The following USP22 variants were observed in gnomAD, a reference collection of about 807,000 sequenced individuals.
The protein encoded by USP22 is ubiquitin specific peptidase 22, also known as ubiquitin carboxyl-terminal hydrolase 22.
A neutral mutation model predicts 68.1 loss-of-function variants in USP22; 22 were observed. That is an observed-to-expected ratio of 0.32 (90% CI 0.23 to 0.46). USP22 has a LOEUF of 0.46. Among genes scored for constraint, USP22 ranks in the 20% least tolerant of loss-of-function variants. The pLI is 1.00. For missense variants in USP22, 433 were observed against 695.8 expected (o/e 0.62, Z 4.25); for synonymous variants, 279 against 274.2 (o/e 1.02, Z -0.17).
At position 21,023,679 on chromosome 17, in the gene USP22, G is replaced by A. The variant is rs150283542; in HGVS notation, c.305-2453C>T. ...AAAAAAAAAAAAATTGGGAGAGTGG[G>A]GCTTAAATCCACGTGATGTCAGACA... On this transcript the variant is annotated intron_variant, in intron 2 of 12. Coordinates refer to ENST00000261497, the MANE Select transcript of USP22 (RefSeq NM_015276.2). 2.0e-3 allele frequency among the ~76,000 whole-genome samples: 297 copies of A among 150,464 alleles called. 8 individuals are homozygous for A. In the East Asian group the frequency reaches 0.045, roughly 23 times the overall value.
chr17:21,020,515 T>C (rs1238124372), intron 3 of USP22, among the ~76,000 whole-genome samples: 1 of 152,140 alleles, frequency 6.6e-6, no homozygotes, highest in Non-Finnish European at 1.5e-5. Context: ...TTCCATCTGG[T>C]GGGTCTAGTT....
intron 1 of USP22, among the ~76,000 whole-genome samples, chr17:21,041,761 A>G (rs1020273094): frequency 1.3e-5 from 2 of 152,272 alleles, no homozygotes; most frequent in African/African-American, 4.8e-5. Flanking sequence ...CTGTAAAAAT[A>G]AACTTTATTC....
intron 10 of USP22, 157 bp downstream of exon 10, chr17:21,006,739 A>C (rs922903403): frequency 4.2e-6 from 2 of 479,016 alleles, no homozygotes; most frequent in African/African-American, 4.0e-5. Flanking sequence ...TGTTGACCTC[A>C]TGATCTGCCC....
At chr17:21,010,485 T>C (rs1913924817) in intron 8 of USP22, among the ~76,000 whole-genome samples, 1 of 152,058 alleles carries the variant, frequency 6.6e-6, no homozygotes, top group Non-Finnish European at 1.5e-5. Context: ...GAGACTAGCC[T>C]GGCCAACATG....
At chr17:21,033,735 A>G (rs1170441263) in intron 1 of USP22, among the ~76,000 whole-genome samples, 1 of 150,620 alleles carries the variant, frequency 6.6e-6, no homozygotes, top group Admixed American at 6.7e-5. Context: ...CACTGACATA[A>G]GTGAAGGGAC....
intron 3 of USP22, among the ~76,000 whole-genome samples, chr17:21,020,368 G>C (rs1972141861): frequency 6.6e-6 from 1 of 152,028 alleles, no homozygotes; most frequent in South Asian, 2.1e-4. Context: ...CAGTGTGTGT[G>C]GCCACACGGT....
At chr17:21,027,292 CAAAA>C (rs71357459) in intron 2 of USP22, among the ~76,000 whole-genome samples, 12 of 72,280 alleles carry the variant, frequency 1.7e-4, no homozygotes, top group Non-Finnish European at 2.4e-4. Context: ...ACCCTGTCTC[CAAAA>C]AAAAAAAAAA....
At chr17:21,043,107 G>T (rs1462923838), upstream of USP22, 4 of 159,678 alleles carry the variant, frequency 2.5e-5, no homozygotes, top group Non-Finnish European at 5.2e-5. Context: ...CCGCGGCCGC[G>T]GACGGAGATT....
In USP22 at chr17:21,001,511, T is replaced by A. The variant is rs1021079492; in HGVS notation, c.*1520A>T. ...ACAATATATGTCATTCAGATTTCTGTGTCTAAAAGTTGTACTAGACACAGC... is the reference window on the plus strand; with the variant it reads ...ACAATATATGTCATTCAGATTTCTGAGTCTAAAAGTTGTACTAGACACAGC... On this transcript the variant is annotated 3_prime_UTR_variant, in exon 13 of 13. Transcript: ENST00000261497. 1 of 152,254 alleles carries A rather than the reference T, an allele frequency of 6.6e-6. No homozygotes were observed. The highest frequency in any genetic ancestry group is 6.5e-5 in the Admixed American group (1 of 15,290). The allele number at this position is 152,254 out of a possible 1,614,324, so 9.4% of individuals were successfully genotyped here.
intron 6 of USP22, among the ~76,000 whole-genome samples, chr17:21,015,376 A>G (rs1391551097): frequency 2.0e-5 from 3 of 152,134 alleles, no homozygotes; most frequent in Non-Finnish European, 4.4e-5. Context: ...TGGGTGATTA[A>G]GTTGTGTTTG....
chr17:21,042,018 G>A (rs968330974), intron 1 of USP22, among the ~76,000 whole-genome samples: 5 of 151,980 alleles, frequency 3.3e-5, no homozygotes, highest in Admixed American at 1.3e-4. Flanking sequence ...AGGCAGCCGC[G>A]AAGCTCCGGC....
At position 21,001,625 on chromosome 17, in the gene USP22, A is replaced by C. The variant is rs531398656; in HGVS notation, c.*1406T>G. 7.2e-5 allele frequency: 11 copies of C among 152,192 alleles called. No homozygotes were observed. The highest frequency in any genetic ancestry group is 2.7e-4 in the African/African-American group (11 of 41,450). The allele number at this position is 152,192 out of a possible 1,614,324, so 9.4% of individuals were successfully genotyped here. On this transcript the variant is annotated 3_prime_UTR_variant, in exon 13 of 13. Transcript: ENST00000261497. ...TGGCTGTCTATGAAAACATCTGCCC[A>C]CCGCTGAGACAGATGATCCTGTTCC...
At chr17:21,037,404 C>T (rs945041754) in intron 1 of USP22, among the ~76,000 whole-genome samples, 14 of 152,160 alleles carry the variant, frequency 9.2e-5, no homozygotes, top group African/African-American at 2.4e-4. Context: ...AACATGACTT[C>T]GGCCATTCAG....
At chr17:21,007,766 G>T in intron 9 of USP22, 104 bp downstream of exon 9, 1 of 1,415,990 alleles carries the variant, frequency 7.1e-7, no homozygotes, top group Non-Finnish European at 9.8e-7. Context: ...CCTGCTTGCT[G>T]CAATTATAAA....
At chr17:21,018,886 G>A (rs770534879) in intron 4 of USP22, among the ~76,000 whole-genome samples, 198 bp downstream of exon 4, 4 of 152,132 alleles carry the variant, frequency 2.6e-5, no homozygotes, top group East Asian at 1.9e-4. Context: ...CTGTTGCTAC[G>A]CATCACTCTG....
In USP22 at chr17:21,004,946, C is replaced by T. The variant is rs1004204528; in HGVS notation, c.1367G>A (p.Ser456Asn). 5 of 1,614,250 alleles carry T rather than the reference C, an allele frequency of 3.1e-6. No individual in the cohort carries two copies. Among genetic ancestry groups the T allele is most frequent in the Non-Finnish European group, 4.2e-6 (5 of 1,180,046 alleles). Reference sequence around the variant, plus strand: ...CACTTACTTGTTGTCATTGTTGAGACTGTCCGTGGGCTGCTGGTACTGTCC... The same window carrying T: ...CACTTACTTGTTGTCATTGTTGAGATTGTCCGTGGGCTGCTGGTACTGTCC... ...MNGQYQQPTDSLNNDNKYSLF... is the reference protein window; with the variant it reads ...MNGQYQQPTDNLNNDNKYSLF... The change falls in exon 11 of 13, where the codon AGT becomes AAT. Residue 456 changes from serine to asparagine, a missense_variant. This residue lies in a region of USP22 where 178 missense variants were observed against 351.5 expected (regional missense o/e 0.51). Transcript: ENST00000261497.
At position 21,011,184 on chromosome 17, in the gene USP22, G is replaced by A. The variant is rs768941608; in HGVS notation, c.1070C>T (p.Ser357Leu). ...GNVVNGESHV[S>L]GTTTLTDCLR... ...GCAGTCCGTGAGCGTGGTGGTTCCC[G>A]ACACGTGGCTTTCCCCGTTTACCAC... The change falls in exon 8 of 13, where the codon TCG becomes TTG. Residue 357 changes from serine (S) to leucine (L), a missense_variant. By Grantham distance (145) the Ser-to-Leu change is moderately radical (BLOSUM62 -2). This residue lies in a region of USP22 where 178 missense variants were observed against 351.5 expected (regional missense o/e 0.51). Transcript: ENST00000261497. 3.6e-5 allele frequency: 58 copies of A among 1,610,010 alleles called. No individual in the cohort carries two copies. Among genetic ancestry groups the A allele is most frequent in the South Asian group, 1.8e-4 (16 of 90,538 alleles).
In USP22 at chr17:21,021,207, T is replaced by G. The variant is rs1271392710; in HGVS notation, c.324A>C (p.Gly108=). ...CCTGGCACAGAAAACAGTAGATGCC[T>G]CCGTACATCAGATCAATGGCTGAGG... ...RHNLAIDLMY[G]GIYCFLCQDY... The change falls in exon 3 of 13, where the codon GGA becomes GGC. Residue 108 remains glycine, a synonymous_variant. Transcript: ENST00000261497. The G allele has an allele frequency of 1.9e-6, 3 of 1,612,446 alleles. No homozygotes were observed. The highest frequency in any genetic ancestry group is 1.3e-5 in the African/African-American group (1 of 74,866).
intron 1 of USP22, among the ~76,000 whole-genome samples, chr17:21,041,077 G>A (rs961585426): frequency 8.6e-5 from 13 of 151,770 alleles, no homozygotes; most frequent in Non-Finnish European, 2.9e-5. Context: ...TAGAGATGAG[G>A]TTTCACCATG....
Sources: gnomAD v4.1 joint callset for allele counts (sites outside exome capture counted in the v4.1 genomes callset) on GRCh38, gnomAD v4.1.1 for gene constraint, gnomAD v4.1.1 regional missense constraint, MANE v1.5 for transcripts, NCBI Gene and HGNC (gene_info 2026-07-23, HGNC 2026-07-21) for gene names.